The following RPGRIP1L variants were observed in gnomAD, a reference collection of about 807,000 sequenced individuals.
The protein encoded by RPGRIP1L is RPGRIP1 like.
In RPGRIP1L, 131 loss-of-function variants were observed where a neutral mutation model predicts 160.4. That is an observed-to-expected ratio of 0.82 (90% CI 0.71 to 0.94). The LOEUF is 0.94. Among genes scored for constraint, RPGRIP1L ranks in the 40% least tolerant of loss-of-function variants. The probability of loss-of-function intolerance (pLI) is 0.00; values close to 1 mark genes in which losing one functional copy is unlikely to be tolerated. For synonymous variants in RPGRIP1L, 510 were observed against 515.8 expected (o/e 0.99, Z 0.15); for missense variants, 1,522 against 1,535.8 (o/e 0.99, Z 0.15).
Position 53,664,983 on chromosome 16 carries a change from T to C in RPGRIP1L, c.1130A>G (p.Gln377Arg). The change falls in exon 10 of 27, where the codon CAA (glutamine) becomes CGA (arginine). Residue 377 changes from glutamine to arginine, a missense_variant. Physicochemically the swap from Gln to Arg is conservative, Grantham distance 43. Coordinates refer to ENST00000647211, the MANE Select transcript of RPGRIP1L (RefSeq NM_015272.5). ...CAGCTGTTGCTCCTTTAACTTCCAT[T>C]GCTCTTCATGGGCAGCACTGAAGGC... is the stretch of plus-strand genomic sequence containing the variant. ...DSAFSAAHEE[Q>R]WKLKEQQLKV... 6.2e-7 allele frequency: 1 copy of C among 1,613,698 alleles called. No individual in the cohort carries two copies. Among genetic ancestry groups the C allele is most frequent in the East Asian group, 2.2e-5 (1 of 44,862 alleles).
intron 25 of RPGRIP1L, among the ~76,000 whole-genome samples, chr16:53,608,270 C>T (rs1234276546): frequency 1.3e-5 from 2 of 152,198 alleles, no homozygotes; most frequent in Admixed American, 1.3e-4. Context: ...TTACGTGTCA[C>T]CTCCTCAGAT....
At chr16:53,671,826 G>A (rs1463939556) in intron 8 of RPGRIP1L, among the ~76,000 whole-genome samples, 1 of 152,096 alleles carries the variant, frequency 6.6e-6, no homozygotes, top group Admixed American at 6.6e-5. Context: ...CGTATGCACT[G>A]CTTTATGCAA....
At chr16:53,652,423 T>C (rs1966871300) in intron 15 of RPGRIP1L, 112 bp downstream of exon 15, 3 of 840,324 alleles carry the variant, frequency 3.6e-6, no homozygotes, top group Admixed American at 2.1e-5. Context: ...AATGTTGTCC[T>C]TGCTCTAAAG....
intron 3 of RPGRIP1L, among the ~76,000 whole-genome samples, chr16:53,692,580 C>T (rs1970462312): frequency 6.6e-6 from 1 of 152,186 alleles, no homozygotes. Flanking sequence ...ATAACAGTTT[C>T]CTAAGGCTTA....
chr16:53,697,842 GC>G (rs1319335343), intron 2 of RPGRIP1L, among the ~76,000 whole-genome samples: 1 of 151,554 alleles, frequency 6.6e-6, no homozygotes, highest in Non-Finnish European at 1.5e-5. Flanking sequence ...GATGTGAAGA[GC>G]CCCTCTGCCT....
intron 22 of RPGRIP1L, among the ~76,000 whole-genome samples, chr16:53,624,999 C>T (rs1964994579): frequency 6.6e-6 from 1 of 152,166 alleles, no homozygotes; most frequent in African/African-American, 2.4e-5. Flanking sequence ...CTCCTGACCT[C>T]GAGTGATCTG....
chr16:53,667,573 A>T (rs567922088), intron 9 of RPGRIP1L, among the ~76,000 whole-genome samples: 1 of 152,274 alleles, frequency 6.6e-6, no homozygotes, highest in African/African-American at 2.4e-5. Context: ...TCCCATCTCT[A>T]TAAAAAATAA....
At chr16:53,701,715 G>A (rs1004143248) in intron 1 of RPGRIP1L, 1 of 151,810 alleles carries the variant, frequency 6.6e-6, no homozygotes, top group African/African-American at 2.4e-5. Context: ...CTAGCATAGA[G>A]CGTGGTGCAT....
intron 1 of RPGRIP1L, among the ~76,000 whole-genome samples, chr16:53,702,587 T>C (rs748559316): frequency 4.6e-5 from 7 of 152,178 alleles, no homozygotes; most frequent in Non-Finnish European, 1.0e-4. Flanking sequence ...GGTTCCTTAA[T>C]CTTTGGAGCT....
At position 53,605,606 on chromosome 16, in the gene RPGRIP1L, A is replaced by T. The variant is rs763788018; in HGVS notation, c.3710T>A (p.Phe1237Tyr). 8 of 1,614,146 alleles carry T rather than the reference A, an allele frequency of 5.0e-6. No individual in the cohort carries two copies. The highest frequency in any genetic ancestry group is 6.8e-6 in the Non-Finnish European group (8 of 1,180,024). The change falls in exon 26 of 27, where the codon TTC becomes TAC. Residue 1237 changes from phenylalanine (F) to tyrosine (Y), a missense_variant. Coordinates refer to ENST00000647211, the MANE Select transcript of RPGRIP1L (RefSeq NM_015272.5). Reference protein sequence around the residue: ...KQEMPNRSLRFTVVSDPPEDE... With the variant: ...KQEMPNRSLRYTVVSDPPEDE... ...CTCTGGAGGGTCACTGACCACGGTGAAGCGAAGGCTGGTAAGGCAGAGATC... is the reference window on the plus strand; with the variant it reads ...CTCTGGAGGGTCACTGACCACGGTGTAGCGAAGGCTGGTAAGGCAGAGATC...
intron 22 of RPGRIP1L, among the ~76,000 whole-genome samples, chr16:53,626,054 G>A (rs1055630248): frequency 6.6e-6 from 1 of 150,692 alleles, no homozygotes; most frequent in Non-Finnish European, 1.5e-5. Context: ...CTTTGTTCAC[G>A]GGTTTATCTG....
chr16:53,621,708 T>A (rs1964724528), intron 23 of RPGRIP1L, among the ~76,000 whole-genome samples: 1 of 152,190 alleles, frequency 6.6e-6, no homozygotes, highest in South Asian at 2.1e-4. Flanking sequence ...ATTCTGGTTG[T>A]GTTCAAGCCC....
rs754295905 is a variant in RPGRIP1L, at chr16:53,692,049, C to T, written c.529+17G>A. Reference sequence around the variant, plus strand: ...TAATAAGACTTCAGTTTAGATTTAACGTAAGCTTTGTTTTACCTTTCCTGG... The same window carrying T: ...TAATAAGACTTCAGTTTAGATTTAATGTAAGCTTTGTTTTACCTTTCCTGG... On this transcript the variant is annotated intron_variant, in intron 4 of 26. Coordinates refer to ENST00000647211, the MANE Select transcript of RPGRIP1L (RefSeq NM_015272.5). 6.4e-5 allele frequency: 103 copies of T among 1,611,774 alleles called. No homozygotes were observed. The highest frequency in any genetic ancestry group is 4.0e-4 in the South Asian group (36 of 91,042).
At chr16:53,674,358 C>T (rs573239868) in intron 7 of RPGRIP1L, among the ~76,000 whole-genome samples, 1 of 152,226 alleles carries the variant, frequency 6.6e-6, no homozygotes, top group South Asian at 2.1e-4. Context: ...AATTCCAGAA[C>T]CTATGTTAAT....
chr16:53,605,457 A>G, intron 26 of RPGRIP1L, 24 bp downstream of exon 26: 1 of 1,613,750 alleles, frequency 6.2e-7, no homozygotes. Context: ...GGTTGCACAA[A>G]CTGAGCAACA....
At chr16:53,642,238 A>G (rs1387710517) in intron 17 of RPGRIP1L, among the ~76,000 whole-genome samples, 1 of 151,886 alleles carries the variant, frequency 6.6e-6, no homozygotes, top group African/African-American at 2.4e-5. Context: ...GCTGGAGTGC[A>G]GTGATTATTC....
intron 24 of RPGRIP1L, among the ~76,000 whole-genome samples, chr16:53,615,908 A>T (rs1022274976): frequency 6.6e-5 from 10 of 152,068 alleles, no homozygotes; most frequent in Non-Finnish European, 1.5e-5. Context: ...GGAGATATAT[A>T]TTTTTGTGTA....
At chr16:53,640,671 G>A (rs546261083) in intron 19 of RPGRIP1L, among the ~76,000 whole-genome samples, 12 of 152,180 alleles carry the variant, frequency 7.9e-5, no homozygotes, top group Admixed American at 3.3e-4. Context: ...AGAGAAAGTC[G>A]CTGTGACCTT....
intron 2 of RPGRIP1L, 88 bp from the exon 3 acceptor site, chr16:53,696,383 A>G: frequency 7.2e-7 from 1 of 1,386,824 alleles, no homozygotes; most frequent in Non-Finnish European, 1.0e-6. Context: ...TGATGCACTC[A>G]TCTGAGATTT....
Sources: gnomAD v4.1 joint callset for allele counts (sites outside exome capture counted in the v4.1 genomes callset) on GRCh38, gnomAD v4.1.1 for gene constraint, MANE v1.5 for transcripts, NCBI Gene and HGNC (gene_info 2026-07-23, HGNC 2026-07-21) for gene names.